The following TENT4B variants were observed in gnomAD, a reference collection of about 807,000 sequenced individuals.
The protein encoded by TENT4B is PAP associated domain containing 5.
Under a neutral mutation model 75.0 loss-of-function variants are expected in TENT4B, and 10 were observed. The ratio of observed to expected loss-of-function variants is 0.13; its 90% confidence interval spans 0.08 to 0.23. The LOEUF (loss-of-function observed/expected upper bound fraction) is 0.23. Among genes scored for constraint, TENT4B ranks in the 10% least tolerant of loss-of-function variants. The probability of loss-of-function intolerance (pLI) is 1.00; values close to 1 mark genes in which losing one functional copy is unlikely to be tolerated. For synonymous variants in TENT4B, 350 were observed against 357.7 expected (o/e 0.98, Z 0.24); for missense variants, 579 against 893.8 (o/e 0.65, Z 4.49).
At chr16:50,154,944 T>C (rs1412458117) in intron 1 of TENT4B, among the ~76,000 whole-genome samples, 2 of 152,186 alleles carry the variant, frequency 1.3e-5, no homozygotes, top group Non-Finnish European at 2.9e-5. Context: ...GTGAAGGTGG[T>C]GAGCCCTTCT....
chr16:50,226,432 T>C (rs934490278), intron 10 of TENT4B, among the ~76,000 whole-genome samples: 1 of 152,084 alleles, frequency 6.6e-6, no homozygotes, highest in Non-Finnish European at 1.5e-5. Flanking sequence ...TTGTTGTTGT[T>C]GTTTTGTTTT....
chr16:50,158,781 A>G (rs2037948777), intron 1 of TENT4B, among the ~76,000 whole-genome samples: 1 of 152,136 alleles, frequency 6.6e-6, no homozygotes, highest in Non-Finnish European at 1.5e-5. Context: ...CTTGTTGGGA[A>G]ACTTGGGTTT....
intron 1 of TENT4B, among the ~76,000 whole-genome samples, chr16:50,209,085 C>T (rs2031141052): frequency 6.6e-6 from 1 of 152,126 alleles, no homozygotes; most frequent in South Asian, 2.1e-4. Context: ...GGCAGTTGTG[C>T]TAAATATTTT....
chr16:50,197,135 A>AG (rs969749398), intron 1 of TENT4B, among the ~76,000 whole-genome samples: 2 of 151,912 alleles, frequency 1.3e-5, no homozygotes, highest in Admixed American at 6.6e-5. Flanking sequence ...CAAAAAAAAA[A>AG]CAGAGTACAA....
rs199569020 is a variant in TENT4B at position 50,229,497 on chromosome 16, C to CA, written c.*177dup. On this transcript the variant is annotated 3_prime_UTR_variant, in exon 12 of 12. Transcript: ENST00000561678. ...AATGGATCATGAAGACTGACAACTG[C>CA]AAAAAAAACAAAACAAAACAAAAAA... The CA allele has an allele frequency of 0.012, 13,896 of 1,169,160 alleles. 93 individuals are homozygous for CA. The highest frequency in any genetic ancestry group is 0.013 in the Non-Finnish European group (12,843 of 958,520). 72.4% of individuals were successfully genotyped at this position (1,169,160 alleles called of 1,614,324 possible).
At chr16:50,172,482 A>C (rs2038224089) in intron 1 of TENT4B, among the ~76,000 whole-genome samples, 1 of 150,312 alleles carries the variant, frequency 6.7e-6, no homozygotes, top group Admixed American at 6.7e-5. Flanking sequence ...TGGAGGGTTG[A>C]CTATATATTT....
At chr16:50,203,765 T>C (rs1458965621) in intron 1 of TENT4B, among the ~76,000 whole-genome samples, 1 of 152,238 alleles carries the variant, frequency 6.6e-6, no homozygotes. Flanking sequence ...GGTGGGTAGA[T>C]GTCCCCCTGT....
intron 7 of TENT4B, among the ~76,000 whole-genome samples, chr16:50,224,098 T>G (rs949219654): frequency 2.6e-5 from 4 of 152,214 alleles, no homozygotes; most frequent in African/African-American, 7.2e-5. Context: ...GGTGAAGAGA[T>G]AGAGTAGTTG....
At chr16:50,201,023 A>C (rs2150722194) in intron 1 of TENT4B, among the ~76,000 whole-genome samples, 1 of 151,572 alleles carries the variant, frequency 6.6e-6, no homozygotes, top group South Asian at 2.1e-4. Flanking sequence ...GTGGTCTTGA[A>C]CTCCTGGCCT....
chr16:50,226,787 G>A (rs60169085), intron 10 of TENT4B, among the ~76,000 whole-genome samples: 29,675 of 152,122 alleles, frequency 0.2, 3,047 homozygotes, highest in East Asian at 0.25. Flanking sequence ...GTGGTTTTTA[G>A]AACATATTCA....
chr16:50,166,505 CTTG>C (rs2038103497), intron 1 of TENT4B, among the ~76,000 whole-genome samples: 1 of 152,154 alleles, frequency 6.6e-6, no homozygotes, highest in Admixed American at 6.5e-5. Context: ...TTTACATGAG[CTTG>C]TTGGCCATGT....
intron 1 of TENT4B, among the ~76,000 whole-genome samples, chr16:50,171,578 CAA>C (rs1263141826): frequency 9.6e-5 from 2 of 20,826 alleles, no homozygotes; most frequent in Non-Finnish European, 5.2e-4. Context: ...TTTTCTTGCC[CAA>C]GGCATATACG....
chr16:50,232,502 A>G lies in TENT4B; in HGVS notation c.*3174A>G. 1.0e-6 allele frequency: 1 copy of G among 985,260 alleles called. No individual in the cohort carries two copies. Among genetic ancestry groups the G allele is most frequent in the Non-Finnish European group, 1.2e-6 (1 of 829,910 alleles). 61.0% of individuals were successfully genotyped at this position (985,260 alleles called of 1,614,324 possible). A position where few individuals can be genotyped will look rare whatever the true frequency, so the allele number is the denominator to read the frequency against. ...TTGTCTTTTTCTGCTGGAACCTTATATCTCTCCATGTGTTTTCTGCTCCTT... is the reference window on the plus strand; with the variant it reads ...TTGTCTTTTTCTGCTGGAACCTTATGTCTCTCCATGTGTTTTCTGCTCCTT... On this transcript the variant is annotated 3_prime_UTR_variant, in exon 12 of 12. Coordinates refer to ENST00000561678, the MANE Select transcript of TENT4B (RefSeq NM_001365324.3).
At chr16:50,208,614 T>A (rs1052051287) in intron 1 of TENT4B, among the ~76,000 whole-genome samples, 2 of 152,250 alleles carry the variant, frequency 1.3e-5, no homozygotes, top group Admixed American at 1.3e-4. Flanking sequence ...CAAAACTGCT[T>A]TAAATAAGTG....
At position 50,182,891 on chromosome 16, in the gene TENT4B, C is replaced by CTTTTTTTTTTTTTTTTTTTTTTTTTTT. The variant is rs869060811; in HGVS notation, c.639-28427_639-28401dup. On this transcript the variant is annotated intron_variant, in intron 1 of 11. Coordinates refer to ENST00000561678, the MANE Select transcript of TENT4B (RefSeq NM_001365324.3). The stretch of plus-strand genomic sequence containing the variant: ...CCAAGTACAGCAAGTTTTATTTTAC[C>CTTTTTTTTTTTTTTTTTTTTTTTTTTT]TTTTTTTTTTTTTTTTTTTTTTTTT... Among the ~76,000 whole-genome samples, 14 of 36,468 alleles carry CTTTTTTTTTTTTTTTTTTTTTTTTTTT rather than the reference C, an allele frequency of 3.8e-4. 4 individuals carry two copies. Among genetic ancestry groups the CTTTTTTTTTTTTTTTTTTTTTTTTTTT allele is most frequent in the Admixed American group, 5.7e-4 (1 of 1,750 alleles). The allele number at this position is 36,468 out of a possible 152,430, so 23.9% of individuals were successfully genotyped here. A position where few individuals can be genotyped will look rare whatever the true frequency, so the allele number is the denominator to read the frequency against.
In TENT4B at chr16:50,153,809, G is replaced by GCAGCAGCAC. The variant is rs946949163; in HGVS notation, c.190_198dup (p.Ser64_Thr66dup). 1.3e-5 allele frequency: 16 copies of GCAGCAGCAC among 1,216,442 alleles called. No homozygotes were observed. In the African/African-American group the frequency reaches 2.5e-4, roughly 19 times the overall value. The allele number at this position is 1,216,442 out of a possible 1,614,324, so 75.4% of individuals were successfully genotyped here. A position where few individuals can be genotyped will look rare whatever the true frequency, so the allele number is the denominator to read the frequency against. On this transcript the variant is annotated inframe_insertion, in exon 1 of 12. Transcript: ENST00000561678. ...AGCAGCACGGCCACCGGCGGGAGCG[G>GCAGCAGCAC]CAGCAGCACCGGCAGCCCCGGCGGC... is the stretch of plus-strand genomic sequence containing the variant.
chr16:50,160,400 C>G (rs919324618), intron 1 of TENT4B, among the ~76,000 whole-genome samples: 1 of 151,998 alleles, frequency 6.6e-6, no homozygotes, highest in African/African-American at 2.4e-5. Flanking sequence ...AGTCTGTCTA[C>G]CCAGTGGTCA....
intron 3 of TENT4B, 70 bp downstream of exon 3, chr16:50,214,337 A>G (rs2031439556): frequency 2.4e-6 from 3 of 1,269,644 alleles, no homozygotes; most frequent in Admixed American, 2.3e-5. Context: ...CAAATTTGTA[A>G]GGAGTAGAAA....
rs187476965 is a variant in TENT4B at position 50,161,962 on chromosome 16, T to G, written c.638+7703T>G. ...ACCTCAGGGCTCCCTATGCTACCAC[T>G]TTATAGCCGCACGCACCCTTCCAGC... is the stretch of plus-strand genomic sequence containing the variant. On this transcript the variant is annotated intron_variant, in intron 1 of 11. Transcript: ENST00000561678. 8.7e-4 allele frequency among the ~76,000 whole-genome samples: 133 copies of G among 152,300 alleles called. 1 individual carries two copies. The highest frequency in any genetic ancestry group is 3.1e-3 in the African/African-American group (129 of 41,564).
Sources: gnomAD v4.1 joint callset for allele counts (sites outside exome capture counted in the v4.1 genomes callset) on GRCh38, gnomAD v4.1.1 for gene constraint, MANE v1.5 for transcripts, NCBI Gene and HGNC (gene_info 2026-07-23, HGNC 2026-07-21) for gene names.